Variants in ALK observed in about 807,000 individuals in gnomAD.
ALK encodes ALK tyrosine kinase receptor.
A neutral mutation model predicts 163.1 loss-of-function variants in ALK; 74 were observed. The ratio of observed to expected loss-of-function variants is 0.45; its 90% CI spans 0.38 to 0.55. The LOEUF (loss-of-function observed/expected upper bound fraction) is 0.55. Among genes scored for constraint, ALK ranks in the 20% least tolerant of loss-of-function variants. ALK has a pLI of 0.00. For missense variants in ALK, 2,063 were observed against 2,105.3 expected (o/e 0.98, Z 0.39); for synonymous variants, 960 against 843.2 (o/e 1.14, Z -2.40).
intron 3 of ALK, among the ~76,000 whole-genome samples, chr2:29,564,447 A>T (rs4666250): frequency 1.8e-5 from 2 of 109,324 alleles, no homozygotes; most frequent in African/African-American, 3.6e-5. Flanking sequence ...CACCACCCCC[A>T]CCGCCACCCT....
chr2:29,586,884 A>G (rs1172807335), intron 3 of ALK, among the ~76,000 whole-genome samples: 2 of 152,356 alleles, frequency 1.3e-5, no homozygotes, highest in Admixed American at 6.5e-5. Context: ...GTCAGTTCCC[A>G]CAATTAAGGG....
intron 3 of ALK, among the ~76,000 whole-genome samples, chr2:29,559,005 G>C (rs1673940165): frequency 6.6e-6 from 1 of 152,156 alleles, no homozygotes; most frequent in African/African-American, 2.4e-5. Flanking sequence ...AACATGCACA[G>C]GTGGGCAAGT....
chr2:29,355,482 CCA>C (rs975795186), intron 5 of ALK, among the ~76,000 whole-genome samples: 34 of 152,038 alleles, frequency 2.2e-4, no homozygotes, highest in African/African-American at 7.7e-4. Flanking sequence ...TACACACCCA[CCA>C]CACACAGACA....
chr2:29,450,964 G>C (rs554918204), intron 4 of ALK, among the ~76,000 whole-genome samples: 1 of 152,232 alleles, frequency 6.6e-6, no homozygotes, highest in South Asian at 2.1e-4. Context: ...TAAGCTGCTC[G>C]AGGTGACTTT....
At chr2:29,438,894 C>G (rs944574646) in intron 4 of ALK, among the ~76,000 whole-genome samples, 1 of 152,148 alleles carries the variant, frequency 6.6e-6, no homozygotes, top group African/African-American at 2.4e-5. Flanking sequence ...TGGGCTTGTT[C>G]TATTATAGAT....
intron 1 of ALK, among the ~76,000 whole-genome samples, chr2:29,887,619 G>A (rs1022763121): frequency 5.3e-5 from 8 of 152,184 alleles, no homozygotes; most frequent in African/African-American, 1.9e-4. Flanking sequence ...TCTTGTCAAA[G>A]TGCAGATTCT....
intron 9 of ALK, among the ~76,000 whole-genome samples, chr2:29,291,654 T>A (rs1334058300): frequency 6.6e-6 from 1 of 152,226 alleles, no homozygotes; most frequent in African/African-American, 2.4e-5. Context: ...AAACGCTAGC[T>A]CTAATCATCA....
chr2:29,638,648 T>C (rs1421407668), intron 3 of ALK, among the ~76,000 whole-genome samples: 1 of 152,146 alleles, frequency 6.6e-6, no homozygotes, highest in African/African-American at 2.4e-5. Context: ...CAGCTTCACA[T>C]GGAACAGCTC....
chr2:29,198,576 A>G (rs183179053), intron 26 of ALK, among the ~76,000 whole-genome samples: 9 of 152,368 alleles, frequency 5.9e-5, no homozygotes, highest in African/African-American at 1.7e-4. Flanking sequence ...TCAAAAGACT[A>G]TGAATATTGA....
chr2:29,400,907 A>G (rs1287036847), intron 4 of ALK, among the ~76,000 whole-genome samples: 1 of 152,026 alleles, frequency 6.6e-6, no homozygotes, highest in Admixed American at 6.6e-5. Flanking sequence ...CCTGGGAGGC[A>G]GAGGTTGCGG....
rs764315663 is a variant in ALK, at chr2:29,220,692, T to C, written c.3645+14A>G. 10 of 1,613,338 alleles carry C rather than the reference T, an allele frequency of 6.2e-6. No individual in the cohort carries two copies. The African/African-American group carries it at 6.7e-5, about 11-fold the overall frequency. On this transcript the variant is annotated intron_variant, in intron 23 of 28. Transcript: ENST00000389048. ...TTGGCACAACAACTGCAGCAAAGACTGGTTCTCACTCACCGGGCGAGGGCG... is the reference window on the plus strand; with the variant it reads ...TTGGCACAACAACTGCAGCAAAGACCGGTTCTCACTCACCGGGCGAGGGCG...
At chr2:29,373,589 G>T (rs1214203726) in intron 5 of ALK, among the ~76,000 whole-genome samples, 3 of 152,222 alleles carry the variant, frequency 2.0e-5, no homozygotes, top group Admixed American at 6.5e-5. Flanking sequence ...TAAAATAGTT[G>T]CCCAAGCAGG....
intron 1 of ALK, among the ~76,000 whole-genome samples, chr2:29,721,978 G>A (rs191560498): frequency 2.6e-5 from 4 of 152,292 alleles, no homozygotes; most frequent in South Asian, 2.1e-4. Flanking sequence ...GGTCGCCGAC[G>A]ACCCTAGGCT....
intron 4 of ALK, among the ~76,000 whole-genome samples, chr2:29,488,675 G>A (rs1009365309): frequency 3.9e-5 from 6 of 152,096 alleles, no homozygotes; most frequent in South Asian, 2.1e-4. Flanking sequence ...TTTAGTATGG[G>A]GAGAACTTCA....
intron 3 of ALK, among the ~76,000 whole-genome samples, chr2:29,622,336 G>C (rs1676059594): frequency 6.6e-6 from 1 of 152,154 alleles, no homozygotes; most frequent in African/African-American, 2.4e-5. Context: ...GGCTCGTGAG[G>C]CCTCAGAATC....
Position 29,322,774 on chromosome 2 carries a change from C to T in ALK, c.1415-1892G>A, listed in dbSNP as rs1254877645. On this transcript the variant is annotated intron_variant, in intron 6 of 28. Coordinates refer to ENST00000389048, the MANE Select transcript of ALK (RefSeq NM_004304.5). ...ACTTGAACCCAGGAGGTGGAAGTTG[C>T]AGTGAGCCAAGATTGTGCCACTGCA... is the stretch of plus-strand genomic sequence containing the variant. Among the ~76,000 whole-genome samples, 3 of 152,202 alleles carry T rather than the reference C, an allele frequency of 2.0e-5. No homozygotes were observed. In the East Asian group the frequency reaches 5.8e-4, roughly 29 times the overall value.
chr2:29,780,043 C>T (rs1202366432), intron 1 of ALK, among the ~76,000 whole-genome samples: 1 of 152,224 alleles, frequency 6.6e-6, no homozygotes, highest in African/African-American at 2.4e-5. Flanking sequence ...GACCAAGCAT[C>T]CCAGCCCCAA....
At chr2:29,743,532 T>C (rs1394895133) in intron 1 of ALK, among the ~76,000 whole-genome samples, 1 of 152,248 alleles carries the variant, frequency 6.6e-6, no homozygotes, top group Non-Finnish European at 1.5e-5. Flanking sequence ...CCCGGATCAC[T>C]TTCCTTTTGT....
At chr2:29,382,850 A>G (rs1668934667) in intron 5 of ALK, among the ~76,000 whole-genome samples, 1 of 152,240 alleles carries the variant, frequency 6.6e-6, no homozygotes, top group African/African-American at 2.4e-5. Context: ...TGATTAAACA[A>G]CGAAAACAAA....
Sources: gnomAD v4.1 joint callset for allele counts (sites outside exome capture counted in the v4.1 genomes callset) on GRCh38, gnomAD v4.1.1 for gene constraint, MANE v1.5 for transcripts, NCBI Gene and HGNC (gene_info 2026-07-23, HGNC 2026-07-21) for gene names.